The following GIGYF2 variants were observed in gnomAD, a reference collection of about 807,000 sequenced individuals.
The protein encoded by GIGYF2 is GRB10-interacting GYF protein 2.
In GIGYF2, 25 loss-of-function variants were observed where a neutral mutation model predicts 208.1. The observed-to-expected ratio is 0.12, with a 90% CI of 0.09 to 0.17. The LOEUF is 0.17. Ranked by LOEUF, GIGYF2 falls within the 10% of genes least tolerant of loss-of-function variation. The pLI, the probability that GIGYF2 is intolerant of heterozygous loss-of-function variation, is 1.00. For missense variants in GIGYF2, 1,302 were observed against 1,579.4 expected (o/e 0.82, Z 2.98); for synonymous variants, 534 against 543.8 (o/e 0.98, Z 0.25).
intron 6 of GIGYF2, among the ~76,000 whole-genome samples, chr2:232,757,358 A>T (rs974243995): frequency 2.0e-5 from 3 of 148,098 alleles, no homozygotes; most frequent in Non-Finnish European, 3.0e-5. Flanking sequence ...TTTAGAGAAT[A>T]TTTTTTTTTT....
intron 22 of GIGYF2, among the ~76,000 whole-genome samples, chr2:232,836,305 TATATATATATATATATATATATATACATA>T (rs1701611633): frequency 1.1e-4 from 2 of 18,496 alleles, no homozygotes; most frequent in Non-Finnish European, 2.2e-4. Context: ...TATATATATA[TATATATATATATATATATATATATACATA>T]TATATACTTA....
At chr2:232,791,763 A>T (rs1176278107) in intron 12 of GIGYF2, among the ~76,000 whole-genome samples, 1 of 152,174 alleles carries the variant, frequency 6.6e-6, no homozygotes, top group African/African-American at 2.4e-5. Context: ...CCCGTATTAG[A>T]CAGTTACCTT....
intron 2 of GIGYF2, among the ~76,000 whole-genome samples, chr2:232,724,940 A>G (rs889843429): frequency 6.6e-6 from 1 of 152,242 alleles, no homozygotes; most frequent in Non-Finnish European, 1.5e-5. Flanking sequence ...CTTAATAGGA[A>G]AAGAGAATTA....
At chr2:232,856,633 T>G (rs1690584079) in intron 28 of GIGYF2, among the ~76,000 whole-genome samples, 160 bp from the exon 29 acceptor site, 1 of 152,084 alleles carries the variant, frequency 6.6e-6, no homozygotes. Context: ...TGGAGCTTGC[T>G]GTGAGCCGAG....
chr2:232,826,837 T>A (rs938978967), intron 21 of GIGYF2, among the ~76,000 whole-genome samples: 1 of 152,198 alleles, frequency 6.6e-6, no homozygotes, highest in Non-Finnish European at 1.5e-5. Flanking sequence ...TGCAGCAGAC[T>A]TCACTGATGT....
chr2:232,808,136 G>C (rs1700616586), intron 15 of GIGYF2, among the ~76,000 whole-genome samples: 2 of 152,230 alleles, frequency 1.3e-5, no homozygotes, highest in Non-Finnish European at 2.9e-5. Flanking sequence ...GTGGAGAGCA[G>C]TGGTCTAGAA....
intron 6 of GIGYF2, among the ~76,000 whole-genome samples, chr2:232,757,404 TAAAGG>T (rs943687903): frequency 7.9e-5 from 12 of 151,946 alleles, no homozygotes; most frequent in Admixed American, 2.6e-4. Context: ...CTGTAAAACT[TAAAGG>T]AAATACCTGT....
intron 2 of GIGYF2, among the ~76,000 whole-genome samples, chr2:232,728,497 T>A (rs1697308423): frequency 6.6e-6 from 1 of 151,782 alleles, no homozygotes; most frequent in South Asian, 2.1e-4. Context: ...AGGGATGGAG[T>A]AGAGAGAGTT....
chr2:232,836,318 ATATATATAT>A (rs1701619204), intron 22 of GIGYF2, among the ~76,000 whole-genome samples: 1 of 37,058 alleles, frequency 2.7e-5, no homozygotes, highest in Non-Finnish European at 4.8e-5. Context: ...ATATATATAT[ATATATATAT>A]ATACATATAT....
At chr2:232,768,947 C>G in intron 8 of GIGYF2, 1 of 724,680 alleles carries the variant, frequency 1.4e-6, no homozygotes, top group Admixed American at 2.9e-5. Context: ...GAATTGAACT[C>G]ATTGTTAATT....
intron 19 of GIGYF2, among the ~76,000 whole-genome samples, chr2:232,816,164 C>T (rs748477016): frequency 1.3e-5 from 2 of 152,110 alleles, no homozygotes; most frequent in Non-Finnish European, 2.9e-5. Flanking sequence ...CCAAAAAGCC[C>T]GACATTAACA....
At chr2:232,797,272 T>C (rs1044712094) in intron 14 of GIGYF2, among the ~76,000 whole-genome samples, 1 of 152,218 alleles carries the variant, frequency 6.6e-6, no homozygotes, top group Non-Finnish European at 1.5e-5. Flanking sequence ...AAATCTATCC[T>C]GTTACCCTGA....
intron 21 of GIGYF2, among the ~76,000 whole-genome samples, chr2:232,823,618 G>A (rs1219000387): frequency 6.6e-6 from 1 of 152,042 alleles, no homozygotes; most frequent in Non-Finnish European, 1.5e-5. Flanking sequence ...GCCTCCCAAA[G>A]TGGTGGGATT....
chr2:232,718,178 A>G (rs1441627853), intron 2 of GIGYF2, among the ~76,000 whole-genome samples: 1 of 151,696 alleles, frequency 6.6e-6, no homozygotes. Flanking sequence ...CCTCACTGCA[A>G]CCTCCACCTC....
At position 232,794,786 on chromosome 2, in the gene GIGYF2, C is replaced by G. The variant is rs766633336; in HGVS notation, c.1321C>G (p.Pro441Ala). The G allele has an allele frequency of 1.9e-6, 3 of 1,613,918 alleles. No individual in the cohort carries two copies. Among genetic ancestry groups the G allele is most frequent in the South Asian group, 1.1e-5 (1 of 91,072 alleles). ...TGTCCAGCAGCCCCTGTCGCAGATT[C>G]CTTCAGATACAGCCTCTCCTCTTCT... ...ADVQQPLSQIPSDTASPLLIL... is the reference protein window; with the variant it reads ...ADVQQPLSQIASDTASPLLIL... The change falls in exon 13 of 29, where the codon CCT (proline) becomes GCT (alanine). Residue 441 changes from proline to alanine, a missense_variant. Physicochemically the swap from Pro to Ala is conservative, Grantham distance 27 (BLOSUM62 -1). Transcript: ENST00000373563.
intron 2 of GIGYF2, among the ~76,000 whole-genome samples, chr2:232,707,880 C>T (rs1696199999): frequency 6.6e-6 from 1 of 152,072 alleles, no homozygotes; most frequent in African/African-American, 2.4e-5. Context: ...TCAGGTGATC[C>T]ACCTGTCTTG....
chr2:232,745,370 G>A (rs944136734), intron 3 of GIGYF2, among the ~76,000 whole-genome samples: 1 of 152,084 alleles, frequency 6.6e-6, no homozygotes, highest in African/African-American at 2.4e-5. Context: ...TGACATACCA[G>A]ATAGAAAAGA....
intron 22 of GIGYF2, among the ~76,000 whole-genome samples, chr2:232,833,548 A>G (rs1043705935): frequency 6.6e-5 from 10 of 152,252 alleles, no homozygotes; most frequent in African/African-American, 2.4e-4. Context: ...TGTATTAGGC[A>G]TTTAAATGAG....
At chr2:232,739,999 T>C (rs1170107467) in intron 3 of GIGYF2, among the ~76,000 whole-genome samples, 2 of 150,228 alleles carry the variant, frequency 1.3e-5, no homozygotes, top group African/African-American at 4.9e-5. Context: ...GTGCCTGTAA[T>C]CTTGGCTACT....
Sources: gnomAD v4.1 joint callset for allele counts (sites outside exome capture counted in the v4.1 genomes callset) on GRCh38, gnomAD v4.1.1 for gene constraint, MANE v1.5 for transcripts, NCBI Gene and HGNC (gene_info 2026-07-23, HGNC 2026-07-21) for gene names.